WDR47: variants seen among roughly 807,000 people sequenced by gnomAD.
WDR47 encodes the protein WD repeat domain 47.
Under a neutral mutation model 97.2 loss-of-function variants are expected in WDR47, and 32 were observed. The ratio of observed to expected loss-of-function variants is 0.33; its 90% CI spans 0.25 to 0.44. The LOEUF is 0.44. Ranked by LOEUF, WDR47 falls within the 20% of genes least tolerant of loss-of-function variation. The pLI, the probability that WDR47 is intolerant of heterozygous loss-of-function variation, is 1.00. For missense variants in WDR47, 782 were observed against 1,102.3 expected (o/e 0.71, Z 4.11); for synonymous variants, 375 against 373.5 (o/e 1.00, Z -0.05).
Position 108,983,313 on chromosome 1 carries a change from C to T in WDR47, c.2064G>A (p.Leu688=), listed in dbSNP as rs762899304. 16 of 1,612,116 alleles carry T rather than the reference C, an allele frequency of 9.9e-6. No homozygotes were observed. In the East Asian group the frequency reaches 2.7e-4, roughly 27 times the overall value. Residue 688 remains leucine, a synonymous_variant, in exon 11 of 15, where the codon CTG becomes CTA. Coordinates refer to ENST00000369962, the MANE Select transcript of WDR47 (RefSeq NM_001142551.2). ...TGSNDKYVKV[L]PFNAETCNAT... is the part of the protein sequence containing the mutation. ...CGTTACAAGTCTCTGCATTGAAGGG[C>T]AGCACTTTGACGTATTTGTCATTTG...
chr1:108,994,910 G>A (rs1375030387), intron 8 of WDR47, among the ~76,000 whole-genome samples: 3 of 152,070 alleles, frequency 2.0e-5, no homozygotes. Context: ...TTTATAAAGT[G>A]AATTCCTATA....
chr1:108,971,679 A>G, intron 14 of WDR47, 107 bp from the exon 15 acceptor site: 1 of 1,203,644 alleles, frequency 8.3e-7, no homozygotes, highest in Non-Finnish European at 1.2e-6. Flanking sequence ...ATCTTAAACT[A>G]CATTAATATA....
chr1:108,998,666 T>C (rs1659940174), intron 7 of WDR47, among the ~76,000 whole-genome samples: 1 of 152,164 alleles, frequency 6.6e-6, no homozygotes, highest in South Asian at 2.1e-4. Context: ...ACAGTACTAT[T>C]AATAAAATTC....
chr1:109,014,121 A>G (rs1661234575), intron 3 of WDR47, among the ~76,000 whole-genome samples, 196 bp from the exon 4 acceptor site: 1 of 152,328 alleles, frequency 6.6e-6, no homozygotes, highest in East Asian at 1.9e-4. Flanking sequence ...TATACTTCCA[A>G]TATTAATTGT....
At chr1:108,978,559 A>G (rs573034833) in intron 13 of WDR47, among the ~76,000 whole-genome samples, 2 of 152,294 alleles carry the variant, frequency 1.3e-5, no homozygotes, top group East Asian at 1.9e-4. Context: ...AGATAAAAAT[A>G]TAAGTCTTTC....
chr1:108,995,460 A>G, intron 8 of WDR47, 120 bp downstream of exon 8: 1 of 1,208,856 alleles, frequency 8.3e-7, no homozygotes, highest in Non-Finnish European at 1.2e-6. Flanking sequence ...GATTAGGAAA[A>G]AAAATTGGTA....
intron 7 of WDR47, among the ~76,000 whole-genome samples, chr1:109,001,017 G>C (rs540965443): frequency 7.3e-5 from 11 of 151,118 alleles, no homozygotes; most frequent in Non-Finnish European, 8.9e-5. Flanking sequence ...ACATAAGACC[G>C]GGTGTGGTGG....
intron 5 of WDR47, among the ~76,000 whole-genome samples, chr1:109,005,529 G>A (rs1318199736): frequency 1.3e-5 from 2 of 152,224 alleles, no homozygotes; most frequent in Non-Finnish European, 2.9e-5. Flanking sequence ...TCTTAATGGA[G>A]GAGTACCAGG....
chr1:108,989,449 T>A (rs1323974497), intron 9 of WDR47, among the ~76,000 whole-genome samples: 1 of 152,268 alleles, frequency 6.6e-6, no homozygotes, highest in Non-Finnish European at 1.5e-5. Context: ...GCTATGTATG[T>A]CCTATGTAAG....
In WDR47 at chr1:109,011,356, G is replaced by A. The variant is rs371407172; in HGVS notation, c.690C>T (p.Asp230=). The A allele has an allele frequency of 1.9e-6, 3 of 1,614,060 alleles. No individual in the cohort carries two copies. Among genetic ancestry groups the A allele is most frequent in the Non-Finnish European group, 2.5e-6 (3 of 1,180,052 alleles). Residue 230 remains aspartate, a synonymous_variant, in exon 5 of 15, where the codon GAC becomes GAT. Coordinates refer to ENST00000369962, the MANE Select transcript of WDR47 (RefSeq NM_001142551.2). ...CATCACAACCATTACCACATAAGAG[G>A]TCGATGCCAAGAAGCACTTCGCTTT... is the stretch of plus-strand genomic sequence containing the variant. ...ITESEVLLGI[D]LLCGNGCDDL...
intron 10 of WDR47, among the ~76,000 whole-genome samples, chr1:108,985,312 CTT>C (rs1324053305): frequency 6.6e-6 from 1 of 152,184 alleles, no homozygotes; most frequent in African/African-American, 2.4e-5. Flanking sequence ...AAGCCAAGCT[CTT>C]TCTCACCTCA....
chr1:109,028,155 T>C (rs1452720607), intron 1 of WDR47, among the ~76,000 whole-genome samples: 3 of 152,122 alleles, frequency 2.0e-5, no homozygotes, highest in Non-Finnish European at 4.4e-5. Context: ...GAAATGTCTC[T>C]ACAAAAGTAC....
intron 2 of WDR47, among the ~76,000 whole-genome samples, chr1:109,020,066 G>T (rs1312557364): frequency 6.6e-6 from 1 of 151,486 alleles, no homozygotes; most frequent in Non-Finnish European, 1.5e-5. Context: ...GGGCAATATA[G>T]CAAGATCCTA....
Position 108,976,056 on chromosome 1 carries a change from G to T in WDR47, c.2399-1302C>A, listed in dbSNP as rs139283529. Among the ~76,000 whole-genome samples the T allele has an allele frequency of 3.1e-4, 47 of 152,268 alleles. No individual in the cohort carries two copies. The East Asian group carries it at 6.6e-3, about 21-fold the overall frequency. ...TCAAGCGCCTAAATCTCAAACTGCA[G>T]AGTTTTGAACTTGTCTCTGTAAACA... On this transcript the variant is annotated intron_variant, in intron 13 of 14. Transcript: ENST00000369962.
At chr1:109,039,080 A>C (rs1302377089) in intron 1 of WDR47, among the ~76,000 whole-genome samples, 1 of 152,170 alleles carries the variant, frequency 6.6e-6, no homozygotes, top group Non-Finnish European at 1.5e-5. Flanking sequence ...CCTACTTGTG[A>C]TAATATTCAT....
intron 9 of WDR47, 87 bp from the exon 10 acceptor site, chr1:108,986,767 T>C: frequency 1.7e-6 from 2 of 1,151,324 alleles, no homozygotes; most frequent in Non-Finnish European, 2.4e-6. Flanking sequence ...TCATTTGAAC[T>C]TTATTATTCT....
chr1:108,972,668 G>C (rs746210318), intron 14 of WDR47, among the ~76,000 whole-genome samples: 1 of 152,132 alleles, frequency 6.6e-6, no homozygotes, highest in South Asian at 2.1e-4. Flanking sequence ...TAGGCCGGGC[G>C]CGGTGGCTCA....
intron 1 of WDR47, among the ~76,000 whole-genome samples, chr1:109,038,410 G>T (rs901888873): frequency 1.3e-5 from 2 of 152,198 alleles, no homozygotes; most frequent in African/African-American, 4.8e-5. Context: ...CAGGTGCAGT[G>T]GCTCATGCCT....
intron 2 of WDR47, among the ~76,000 whole-genome samples, chr1:109,021,786 C>G (rs1248962737): frequency 2.0e-5 from 3 of 151,954 alleles, no homozygotes; most frequent in African/African-American, 7.2e-5. Flanking sequence ...CTCAGCCTCC[C>G]AAAGTGCTGG....
Sources: gnomAD v4.1 joint callset for allele counts (sites outside exome capture counted in the v4.1 genomes callset) on GRCh38, gnomAD v4.1.1 for gene constraint, MANE v1.5 for transcripts, NCBI Gene and HGNC (gene_info 2026-07-23, HGNC 2026-07-21) for gene names.